The following SOX13 variants were observed in gnomAD, a reference collection of about 807,000 sequenced individuals.
SOX13 encodes transcription factor SOX-13.
In SOX13, 28 loss-of-function variants were observed where a neutral mutation model predicts 71.8. The observed-to-expected ratio is 0.39, with a 90% CI of 0.29 to 0.53. The LOEUF is 0.53. Ranked by LOEUF, SOX13 falls within the 20% of genes least tolerant of loss-of-function variation. The probability of loss-of-function intolerance (pLI) is 0.70; values close to 1 mark genes in which losing one functional copy is unlikely to be tolerated. For missense variants in SOX13, 627 were observed against 810.3 expected (o/e 0.77, Z 2.75); for synonymous variants, 309 against 317.8 (o/e 0.97, Z 0.29).
intron 1 of SOX13, among the ~76,000 whole-genome samples, chr1:204,099,696 T>G (rs544560681): frequency 6.6e-6 from 1 of 152,076 alleles, no homozygotes; most frequent in African/African-American, 2.4e-5. Flanking sequence ...TACAAGTGTG[T>G]GCCACTGCGC....
intron 1 of SOX13, among the ~76,000 whole-genome samples, chr1:204,077,389 T>A (rs979678064): frequency 6.6e-6 from 1 of 152,186 alleles, no homozygotes; most frequent in African/African-American, 2.4e-5. Flanking sequence ...ACGGTAATCA[T>A]AGTTGCCCCA....
chr1:204,109,056 G>C (rs916323456), intron 1 of SOX13, among the ~76,000 whole-genome samples: 1 of 152,184 alleles, frequency 6.6e-6, no homozygotes, highest in African/African-American at 2.4e-5. Flanking sequence ...CCCGGTGCCC[G>C]GATGGGCTGA....
chr1:204,115,697 C>T (rs1188476542), intron 4 of SOX13, among the ~76,000 whole-genome samples: 9 of 119,524 alleles, frequency 7.5e-5, no homozygotes, highest in East Asian at 2.8e-4. Flanking sequence ...AGAGACAGCT[C>T]GCTCTGTTGC....
chr1:204,088,423 G>A (rs768110009), intron 1 of SOX13, among the ~76,000 whole-genome samples: 27 of 152,140 alleles, frequency 1.8e-4, no homozygotes, highest in Non-Finnish European at 3.2e-4. Flanking sequence ...AGGGACACTC[G>A]GATTTTTCCA....
chr1:204,085,904 C>T (rs111327172), intron 1 of SOX13, among the ~76,000 whole-genome samples: 100 of 150,346 alleles, frequency 6.7e-4, no homozygotes, highest in Non-Finnish European at 1.3e-3. Context: ...GGTGTGAACC[C>T]GGGAGGCGGA....
At chr1:204,093,279 C>T (rs1299983246) in intron 1 of SOX13, among the ~76,000 whole-genome samples, 1 of 152,180 alleles carries the variant, frequency 6.6e-6, no homozygotes, top group Non-Finnish European at 1.5e-5. Flanking sequence ...GCCTTTTCTT[C>T]CCACCTTAAC....
At chr1:204,121,111 CTGGGATTACAGG>C in intron 7 of SOX13, among the ~76,000 whole-genome samples, 1 of 152,106 alleles carries the variant, frequency 6.6e-6, no homozygotes, top group South Asian at 2.1e-4. Context: ...TCCTGAATAT[CTGGGATTACAGG>C]CGCGTGCCAC....
chr1:204,123,159 C>T lies in SOX13; in HGVS notation c.1182C>T (p.Asp394=), dbSNP rs375801844. 98 of 1,613,500 alleles carry T rather than the reference C, an allele frequency of 6.1e-5. No individual in the cohort carries two copies. Among genetic ancestry groups the T allele is most frequent in the Non-Finnish European group, 7.9e-5 (93 of 1,179,728 alleles). Residue 394 remains aspartate (D), a synonymous_variant, in exon 11 of 14, where the codon GAC becomes GAT. Transcript: ENST00000367204. The surrounding 1 kb of genome is among the most constrained non-coding windows in gnomAD (Gnocchi z 5.0). ...DSSPAKERLE[D]GCVHPLEEAM... ...CCCCAGCCAAGGAGCGGCTGGAGGA[C>T]GGCTGTGTGCACCCACTGGAGGAAG...
In SOX13 at chr1:204,073,583, G is replaced by T. The variant is rs1655714147; in HGVS notation, c.-130G>T. 1 of 151,548 alleles carries T rather than the reference G, an allele frequency of 6.6e-6. No individual in the cohort carries two copies. The highest frequency in any genetic ancestry group is 2.1e-4 in the South Asian group (1 of 4,822). 9.4% of individuals were successfully genotyped at this position (151,548 alleles called of 1,614,324 possible). On this transcript the variant is annotated 5_prime_UTR_variant, in exon 1 of 14. Transcript: ENST00000367204. This position sits in a 1 kb window ranked among gnomAD's most constrained non-coding sequence, Gnocchi z 6.8. Reference sequence around the variant, plus strand: ...CTCCCAGCCCAGCCTCCCCAACCCGGCCCGCCCGCCGCGTCGCGGGGGCAT... The same window carrying T: ...CTCCCAGCCCAGCCTCCCCAACCCGTCCCGCCCGCCGCGTCGCGGGGGCAT...
intron 1 of SOX13, among the ~76,000 whole-genome samples, chr1:204,102,173 C>G (rs1453520628): frequency 6.6e-6 from 1 of 152,186 alleles, no homozygotes; most frequent in East Asian, 1.9e-4. Context: ...AATGCCCAGC[C>G]CACCCCAGTA....
In SOX13 at chr1:204,126,387, G is replaced by C. The variant is rs1466400325; in HGVS notation, c.*253G>C. ...CAGGCTGAGCACCTCAGCCTTTAGG[G>C]CTTATGGCCAGGGGACACTGTATGA... On this transcript the variant is annotated 3_prime_UTR_variant, in exon 14 of 14. Transcript: ENST00000367204. 8 of 550,674 alleles carry C rather than the reference G, an allele frequency of 1.5e-5. No individual in the cohort carries two copies. Among genetic ancestry groups the C allele is most frequent in the Non-Finnish European group, 2.3e-5 (7 of 305,736 alleles). The allele number at this position is 550,674 out of a possible 1,614,324, so 34.1% of individuals were successfully genotyped here. A position where few individuals can be genotyped will look rare whatever the true frequency, so the allele number is the denominator to read the frequency against.
chr1:204,086,324 A>G (rs61565295), intron 1 of SOX13, among the ~76,000 whole-genome samples: 81,800 of 151,914 alleles, frequency 0.54, 22,121 homozygotes, highest in South Asian at 0.64. Flanking sequence ...TTGTTTTTGA[A>G]ATGGAGTCTC....
chr1:204,110,083 C>T (rs984898237), intron 1 of SOX13, among the ~76,000 whole-genome samples: 38 of 152,000 alleles, frequency 2.5e-4, no homozygotes, highest in Non-Finnish European at 3.8e-4. Flanking sequence ...CCACCCGCCT[C>T]GGCCTCCCAA....
chr1:204,121,740 G>A, intron 7 of SOX13, 160 bp from the exon 8 acceptor site: 1 of 691,772 alleles, frequency 1.4e-6, no homozygotes, highest in Non-Finnish European at 2.6e-6. Context: ...GGGGATAGGA[G>A]CCTCCAAGCA....
At chr1:204,096,213 T>G (rs1656247344) in intron 1 of SOX13, among the ~76,000 whole-genome samples, 1 of 149,782 alleles carries the variant, frequency 6.7e-6, no homozygotes, top group Non-Finnish European at 1.5e-5. Flanking sequence ...ATCATATTTT[T>G]CTTTTCTTTT....
intron 2 of SOX13, 121 bp from the exon 3 acceptor site, chr1:204,114,198 GGA>G (rs775910091): frequency 3.2e-4 from 199 of 625,360 alleles, no homozygotes; most frequent in Non-Finnish European, 5.1e-4. Flanking sequence ...CCTAGTGAGT[GGA>G]GAAGTAGGAC....
chr1:204,113,860 C>T (rs1346594058), intron 2 of SOX13, among the ~76,000 whole-genome samples: 1 of 152,050 alleles, frequency 6.6e-6, no homozygotes, highest in Non-Finnish European at 1.5e-5. Context: ...CTTTTGCCAG[C>T]CCCTACCTGC....
chr1:204,116,028 C>T (rs1171422676), intron 4 of SOX13: 1 of 464,648 alleles, frequency 2.2e-6, no homozygotes, highest in Non-Finnish European at 3.5e-6. Context: ...GCCCACTTAC[C>T]AAGATTTTGA....
At chr1:204,080,034 A>C (rs1216544285) in intron 1 of SOX13, among the ~76,000 whole-genome samples, 5 of 152,146 alleles carry the variant, frequency 3.3e-5, no homozygotes, top group Non-Finnish European at 5.9e-5. Context: ...GGCTTCAGCC[A>C]GGGGTGTTTT....
Sources: allele counts gnomAD v4.1 joint callset (sites outside exome capture counted in the v4.1 genomes callset), GRCh38; gene constraint gnomAD v4.1.1; non-coding constraint Gnocchi (gnomAD v3.1); transcripts MANE v1.5; gene names NCBI Gene and HGNC (gene_info 2026-07-23, HGNC 2026-07-21).